JAKMIP2: variants seen among roughly 807,000 people sequenced by gnomAD.
JAKMIP2 encodes the protein janus kinase and microtubule interacting protein 2.
In JAKMIP2, 25 loss-of-function variants were observed where a neutral mutation model predicts 115.0. The observed-to-expected ratio is 0.22, with a 90% CI of 0.16 to 0.30. The LOEUF (loss-of-function observed/expected upper bound fraction) is 0.30, where lower values mean the gene tolerates loss of function less well. Among genes scored for constraint, JAKMIP2 ranks in the 10% least tolerant of loss-of-function variants. The pLI is 1.00. For missense variants in JAKMIP2, 642 were observed against 957.6 expected (o/e 0.67, Z 4.35); for synonymous variants, 334 against 343.6 (o/e 0.97, Z 0.31).
In JAKMIP2 at chr5:147,661,216, GCA is replaced by G; in HGVS notation, c.357_358del (p.Ala120SerfsTer7). 6.2e-7 allele frequency: 1 copy of G among 1,614,016 alleles called. No individual in the cohort carries two copies. Among genetic ancestry groups the G allele is most frequent in the Non-Finnish European group, 8.5e-7 (1 of 1,180,016 alleles). On this transcript the variant is annotated frameshift_variant, in exon 3 of 22. Transcript: ENST00000616793. LOFTEE classifies it high-confidence loss of function. ...TTTGTCACTGCTGCCGTCGCGGAGA[GCA>G]CAGAGAGCAGACTTGAGCCTCTGGA... is the stretch of plus-strand genomic sequence containing the variant.
chr5:147,665,267 T>C (rs949936279), intron 2 of JAKMIP2, among the ~76,000 whole-genome samples: 1 of 152,226 alleles, frequency 6.6e-6, no homozygotes, highest in African/African-American at 2.4e-5. Context: ...TCACAGAGAC[T>C]GTCTAGTCCA....
chr5:147,617,240 T>C (rs1176886743), intron 19 of JAKMIP2, among the ~76,000 whole-genome samples: 1 of 152,212 alleles, frequency 6.6e-6, no homozygotes, highest in Non-Finnish European at 1.5e-5. Context: ...ACACTGACCT[T>C]GGAGTTCAGC....
intron 2 of JAKMIP2, among the ~76,000 whole-genome samples, chr5:147,667,864 G>T (rs971157287): frequency 2.0e-5 from 3 of 152,134 alleles, no homozygotes; most frequent in African/African-American, 7.2e-5. Context: ...AATGTTGGTT[G>T]ATTTTCTGAG....
chr5:147,782,099 G>T (rs989794649), intron 1 of JAKMIP2, among the ~76,000 whole-genome samples: 1 of 152,130 alleles, frequency 6.6e-6, no homozygotes, highest in African/African-American at 2.4e-5. Context: ...GTATGTGAGA[G>T]CTGCAAATGA....
chr5:147,646,707 A>G (rs1347140), intron 5 of JAKMIP2, among the ~76,000 whole-genome samples: 27,456 of 151,374 alleles, frequency 0.18, 4,661 homozygotes, highest in East Asian at 0.46. Context: ...GTATATGCAC[A>G]CTAACACTAA....
chr5:147,585,694 T>C lies in JAKMIP2; in HGVS notation c.*6013A>G, dbSNP rs1402111845. On this transcript the variant is annotated 3_prime_UTR_variant, in exon 22 of 22. Transcript: ENST00000616793. ...AGCACTGAAGTGATATATGGAGTCA[T>C]GCTAATGAGATGGAAAGAAAGAACC... 2.0e-5 allele frequency: 3 copies of C among 152,138 alleles called. No individual in the cohort carries two copies. Among genetic ancestry groups the C allele is most frequent in the Non-Finnish European group, 4.4e-5 (3 of 68,032 alleles). The allele number at this position is 152,138 out of a possible 1,614,324, so 9.4% of individuals were successfully genotyped here.
At chr5:147,764,934 G>GAAA (rs1755075743) in intron 1 of JAKMIP2, among the ~76,000 whole-genome samples, 3 of 92,022 alleles carry the variant, frequency 3.3e-5, no homozygotes, top group East Asian at 4.9e-4. Context: ...GAGAGAGAGA[G>GAAA]AGAGAGAGAG....
At chr5:147,730,980 G>T (rs1411320433) in intron 1 of JAKMIP2, among the ~76,000 whole-genome samples, 1 of 151,938 alleles carries the variant, frequency 6.6e-6, no homozygotes, top group Non-Finnish European at 1.5e-5. Flanking sequence ...CCTGAATAAA[G>T]GATTTTTTTT....
At chr5:147,680,848 T>C (rs1172847832) in intron 1 of JAKMIP2, among the ~76,000 whole-genome samples, 1 of 152,218 alleles carries the variant, frequency 6.6e-6, no homozygotes, top group African/African-American at 2.4e-5. Flanking sequence ...GGGAATGTGG[T>C]GGCATGGCTA....
intron 1 of JAKMIP2, among the ~76,000 whole-genome samples, chr5:147,751,330 C>T (rs1754551675): frequency 6.7e-6 from 1 of 149,330 alleles, no homozygotes; most frequent in African/African-American, 2.5e-5. Context: ...CATCTCCTGA[C>T]CTCGTGATCC....
At chr5:147,764,969 G>GGAGA (rs1444012020) in intron 1 of JAKMIP2, among the ~76,000 whole-genome samples, 1 of 33,906 alleles carries the variant, frequency 2.9e-5, no homozygotes, top group Non-Finnish European at 5.0e-5. Flanking sequence ...AGAGAGAGGG[G>GGAGA]GAGAGAGAGA....
In JAKMIP2 at chr5:147,644,084, G is replaced by C; in HGVS notation, c.1198C>G (p.Gln400Glu). ...CTTGTGAGCTCATCAATAATGTTCT[G>C]TTGCTCAATGACCTGAAGTTTTAGA... is the stretch of plus-strand genomic sequence containing the variant. ...EFLKLQVIEQ[Q>E]NIIDELTRDR... The change falls in exon 7 of 22, where the codon CAG becomes GAG. Residue 400 changes from glutamine (Q) to glutamate (E), a missense_variant. Physicochemically the swap from Gln to Glu is conservative, Grantham distance 29. Coordinates refer to ENST00000616793, the MANE Select transcript of JAKMIP2 (RefSeq NM_001270941.2). 6.2e-7 allele frequency: 1 copy of C among 1,605,636 alleles called. No homozygotes were observed. The highest frequency in any genetic ancestry group is 8.5e-7 in the Non-Finnish European group (1 of 1,174,326).
intron 1 of JAKMIP2, among the ~76,000 whole-genome samples, chr5:147,764,108 A>C (rs1755026539): frequency 6.6e-6 from 1 of 152,156 alleles, no homozygotes; most frequent in Non-Finnish European, 1.5e-5. Flanking sequence ...ATACCAACTT[A>C]ACAGAGTAAT....
intron 20 of JAKMIP2, among the ~76,000 whole-genome samples, chr5:147,608,738 T>A (rs1446952575): frequency 1.3e-5 from 2 of 152,314 alleles, no homozygotes; most frequent in South Asian, 4.2e-4. Context: ...TTGTTAGTTT[T>A]CTGCCTTGTT....
chr5:147,637,053 T>C lies in JAKMIP2; in HGVS notation c.1531-5A>G, dbSNP rs1194635274. ...TGCTTGGAGCTGTTCTTGAGCCTGG[T>C]GAAACCAAAATTCCAGAACTCAGCA... On this transcript the variant is annotated splice_region_variant and splice_polypyrimidine_tract_variant and intron_variant, in intron 10 of 21. Transcript: ENST00000616793. The C allele has an allele frequency of 1.1e-6, 1 of 872,280 alleles. No individual in the cohort carries two copies. Among genetic ancestry groups the C allele is most frequent in the Non-Finnish European group, 2.0e-6 (1 of 501,540 alleles). The allele number at this position is 872,280 out of a possible 1,614,324, so 54.0% of individuals were successfully genotyped here.
At chr5:147,777,785 C>A (rs543155347) in intron 1 of JAKMIP2, among the ~76,000 whole-genome samples, 107 of 152,228 alleles carry the variant, frequency 7.0e-4, no homozygotes, top group Admixed American at 3.1e-3. Flanking sequence ...CCATGATTTT[C>A]TATTTGGCCA....
chr5:147,642,058 G>T (rs1757903894), intron 7 of JAKMIP2, among the ~76,000 whole-genome samples: 1 of 152,070 alleles, frequency 6.6e-6, no homozygotes, highest in Non-Finnish European at 1.5e-5. Flanking sequence ...TATGAAAATA[G>T]TTACTTATAT....
At chr5:147,767,662 T>C (rs1013014444) in intron 1 of JAKMIP2, among the ~76,000 whole-genome samples, 1 of 152,122 alleles carries the variant, frequency 6.6e-6, no homozygotes, top group Non-Finnish European at 1.5e-5. Context: ...AAAATAATAA[T>C]GAAAGAGTCC....
At position 147,782,657 on chromosome 5, in the gene JAKMIP2, C is replaced by A; in HGVS notation, c.-350G>T. 1.5e-6 allele frequency: 1 copy of A among 672,666 alleles called. No homozygotes were observed. Among genetic ancestry groups the A allele is most frequent in the Non-Finnish European group, 2.7e-6 (1 of 371,308 alleles). The allele number at this position is 672,666 out of a possible 1,614,324, so 41.7% of individuals were successfully genotyped here. A position where few individuals can be genotyped will look rare whatever the true frequency, so the allele number is the denominator to read the frequency against. On this transcript the variant is annotated 5_prime_UTR_variant, in exon 1 of 22. Coordinates refer to ENST00000616793, the MANE Select transcript of JAKMIP2 (RefSeq NM_001270941.2). The stretch of plus-strand genomic sequence containing the variant: ...ACTAGAGTATCAGCAATAGAGGCGG[C>A]GGCGGCGGCAGCAGCAGCAGCAGCA...
Sources: allele counts gnomAD v4.1 joint callset (sites outside exome capture counted in the v4.1 genomes callset), GRCh38; gene constraint gnomAD v4.1.1; transcripts MANE v1.5; gene names NCBI Gene and HGNC (gene_info 2026-07-23, HGNC 2026-07-21).